The following THSD1 variants were observed in gnomAD, a reference collection of about 807,000 sequenced individuals.
THSD1 encodes thrombospondin type 1 domain containing 1.
A neutral mutation model predicts 46.3 loss-of-function variants in THSD1; 34 were observed. The ratio of observed to expected loss-of-function variants is 0.74; its 90% CI spans 0.56 to 0.98. The LOEUF (loss-of-function observed/expected upper bound fraction) is 0.98. Among genes scored for constraint, THSD1 ranks in the 50% least tolerant of loss-of-function variants. The probability of loss-of-function intolerance (pLI) is 0.00; values close to 1 mark genes in which losing one functional copy is unlikely to be tolerated. For synonymous variants in THSD1, 407 were observed against 416.5 expected, an observed-to-expected ratio of 0.98 and a Z score of 0.28; for missense variants, 1,023 against 1,058.3, an observed-to-expected ratio of 0.97 and a Z score of 0.46.
At position 52,378,949 on chromosome 13, in the gene THSD1, G is replaced by A. The variant is rs1247882292; in HGVS notation, c.1181-160C>T. Among the ~76,000 whole-genome samples, 44 of 139,710 alleles carry A rather than the reference G, an allele frequency of 3.1e-4. 1 individual carries two copies. The highest frequency in any genetic ancestry group is 2.5e-3 in the Admixed American group (32 of 13,050). 91.7% of individuals were successfully genotyped at this position (139,710 alleles called of 152,430 possible). On this transcript the variant is annotated intron_variant, in intron 4 of 4. Coordinates refer to ENST00000258613, the MANE Select transcript of THSD1 (RefSeq NM_018676.4). ...GTGATCTCGGCTCATTGCAACCTCC[G>A]CCTCCCAGGCTCAAACAATTCTCCT...
chr13:52,385,514 A>T (rs939761280), intron 4 of THSD1, among the ~76,000 whole-genome samples: 1 of 152,184 alleles, frequency 6.6e-6, no homozygotes, highest in African/African-American at 2.4e-5. Context: ...GCATGAAGAA[A>T]TGTCCCTCTG....
intron 4 of THSD1, 76 bp downstream of exon 4, chr13:52,385,952 C>G: frequency 7.1e-7 from 1 of 1,405,386 alleles, no homozygotes; most frequent in South Asian, 1.3e-5. Context: ...TGGTAACTCT[C>G]AGGCAGGCCT....
Position 52,389,255 on chromosome 13 carries a change from G to A in THSD1, c.1022-3069C>T, listed in dbSNP as rs147197240. Reference sequence around the variant, plus strand: ...TGGGATTACAGGTGTGAGCCATGGCGCCCAGCCCACTAAATACATTTTTAA... The same window carrying A: ...TGGGATTACAGGTGTGAGCCATGGCACCCAGCCCACTAAATACATTTTTAA... On this transcript the variant is annotated intron_variant, in intron 3 of 4. Coordinates refer to ENST00000258613, the MANE Select transcript of THSD1 (RefSeq NM_018676.4). Among the ~76,000 whole-genome samples, 589 of 152,128 alleles carry A rather than the reference G, an allele frequency of 3.9e-3. 1 individual carries two copies. The highest frequency in any genetic ancestry group is 5.7e-3 in the Non-Finnish European group (390 of 68,010).
In THSD1 at chr13:52,378,097, T is replaced by A. The variant is rs1168711114; in HGVS notation, c.1873A>T (p.Ile625Phe). Reference protein sequence around the residue: ...SCAISPSQTLIRKSQARHVGS... With the variant: ...SCAISPSQTLFRKSQARHVGS... ...ACGTGCCTTGCCTGTGACTTGCGGA[T>A]CAGAGTCTGGCTGGGGCTTATGGCA... Residue 625 changes from isoleucine (I) to phenylalanine (F), a missense_variant, in exon 5 of 5, where the codon ATC becomes TTC. By Grantham distance (21) the Ile-to-Phe change is conservative (BLOSUM62 0). Coordinates refer to ENST00000258613, the MANE Select transcript of THSD1 (RefSeq NM_018676.4). 5 of 1,614,160 alleles carry A rather than the reference T, an allele frequency of 3.1e-6. No homozygotes were observed. The highest frequency in any genetic ancestry group is 4.2e-6 in the Non-Finnish European group (5 of 1,180,036).
Position 52,377,999 on chromosome 13 carries a change from A to T in THSD1, c.1971T>A (p.His657Gln). ...NAHFRRTASF[H>Q]EARQARPFRE... ...GGAACGGCCGGGCCTGCCTGGCTTC[A>T]TGGAAACTCGCTGTCCTCCTGAAAT... Residue 657 changes from histidine to glutamine, a missense_variant, in exon 5 of 5, where the codon CAT (histidine) becomes CAA (glutamine). By Grantham distance (24) the His-to-Gln change is conservative. This residue lies in a region of THSD1 where 578 missense variants were observed against 497.4 expected (regional missense o/e 1.16). Coordinates refer to ENST00000258613, the MANE Select transcript of THSD1 (RefSeq NM_018676.4). 1 of 1,614,098 alleles carries T rather than the reference A, an allele frequency of 6.2e-7. No homozygotes were observed.
At position 52,378,751 on chromosome 13, in the gene THSD1, C is replaced by T. The variant is rs1594095311; in HGVS notation, c.1219G>A (p.Gly407Ser). ...ACGATGTTGTTGGACTTCACTGGACCCTGGGGCTGAAGAGGAGATGGGCTG... is the reference window on the plus strand; with the variant it reads ...ACGATGTTGTTGGACTTCACTGGACTCTGGGGCTGAAGAGGAGATGGGCTG... ...PSSPSPLQPQ[G>S]PVKSNNIVTV... The change falls in exon 5 of 5, where the codon GGT becomes AGT. Residue 407 changes from glycine to serine, a missense_variant. Gly to Ser is a moderately conservative substitution (Grantham distance 56, BLOSUM62 0). Transcript: ENST00000258613. The T allele has an allele frequency of 6.2e-7, 1 of 1,610,948 alleles. No homozygotes were observed. The highest frequency in any genetic ancestry group is 2.2e-5 in the East Asian group (1 of 44,848).
intron 3 of THSD1, among the ~76,000 whole-genome samples, chr13:52,392,440 A>G (rs1435764639): frequency 1.3e-5 from 2 of 152,174 alleles, no homozygotes; most frequent in Admixed American, 6.5e-5. Context: ...CAAAATGGGA[A>G]CTCATTAGAT....
Position 52,378,608 on chromosome 13 carries a change from G to C in THSD1, c.1362C>G (p.Ile454Met). ...AGTTCTTCCGGAAGCTGGGGGAGTG[G>C]ATGGAGTTGTGTCGAGCAGGTGTGC... is the stretch of plus-strand genomic sequence containing the variant. Reference protein sequence around the residue: ...KCSTPARHNSIHSPSFRKNSD... With the variant: ...KCSTPARHNSMHSPSFRKNSD... Residue 454 changes from isoleucine (I) to methionine (M), a missense_variant, in exon 5 of 5, where the codon ATC becomes ATG. This residue lies in a region of THSD1 where 578 missense variants were observed against 497.4 expected (regional missense o/e 1.16). Transcript: ENST00000258613. The C allele has an allele frequency of 1.9e-6, 3 of 1,614,136 alleles. No individual in the cohort carries two copies. Among genetic ancestry groups the C allele is most frequent in the Non-Finnish European group, 2.5e-6 (3 of 1,180,030 alleles).
intron 2 of THSD1, among the ~76,000 whole-genome samples, chr13:52,399,238 G>A (rs1008621133): frequency 3.2e-4 from 49 of 152,290 alleles, no homozygotes; most frequent in African/African-American, 1.2e-3. Context: ...AGCAGCCTAA[G>A]TGAAAAGTGC....
chr13:52,384,113 A>C (rs1251626823), intron 4 of THSD1: 1 of 331,204 alleles, frequency 3.0e-6, no homozygotes, highest in African/African-American at 2.3e-5. Flanking sequence ...TGAACCCGGG[A>C]GGCGGAGTTG....
chr13:52,401,518 C>T (rs1462012078), intron 2 of THSD1, among the ~76,000 whole-genome samples: 2 of 151,996 alleles, frequency 1.3e-5, no homozygotes, highest in African/African-American at 4.8e-5. Context: ...CCAGGATGGT[C>T]TTGGTCTCCT....
intron 3 of THSD1, among the ~76,000 whole-genome samples, chr13:52,394,341 C>T (rs543932343): frequency 2.0e-5 from 3 of 152,202 alleles, no homozygotes; most frequent in Admixed American, 1.3e-4. Flanking sequence ...GGGCCAGGCA[C>T]GGTGGCTCAT....
In THSD1 at chr13:52,378,626, A is replaced by C. The variant is rs1957662776; in HGVS notation, c.1344T>G (p.Pro448=). Residue 448 remains proline (P), a synonymous_variant, in exon 5 of 5, where the codon CCT becomes CCG. Transcript: ENST00000258613. The part of the protein sequence containing the change: ...RFGRPAKCST[P]ARHNSIHSPS... ...GGGAGTGGATGGAGTTGTGTCGAGC[A>C]GGTGTGCTGCACTTGGCTGGCCGGC... 2 of 1,613,972 alleles carry C rather than the reference A, an allele frequency of 1.2e-6. No individual in the cohort carries two copies. Among genetic ancestry groups the C allele is most frequent in the Non-Finnish European group, 1.7e-6 (2 of 1,180,020 alleles).
In THSD1 at chr13:52,397,320, C is replaced by G. The variant is rs762251260; in HGVS notation, c.933G>C (p.Gly311=). 1 of 1,613,950 alleles carries G rather than the reference C, an allele frequency of 6.2e-7. No individual in the cohort carries two copies. The highest frequency in any genetic ancestry group is 1.3e-5 in the African/African-American group (1 of 74,888). ...TIFNCTLFDM[G]KNKYCFDFGI... ...CAAAGTCAAAGCAGTACTTATTCTTCCCCATGTCAAACAAAGTACAGTTAA... is the reference window on the plus strand; with the variant it reads ...CAAAGTCAAAGCAGTACTTATTCTTGCCCATGTCAAACAAAGTACAGTTAA... Residue 311 remains glycine, a synonymous_variant, in exon 3 of 5, where the codon GGG becomes GGC. Transcript: ENST00000258613.
At chr13:52,379,504 C>T (rs139644186) in intron 4 of THSD1, among the ~76,000 whole-genome samples, 1 of 151,916 alleles carries the variant, frequency 6.6e-6, no homozygotes, top group African/African-American at 2.4e-5. Flanking sequence ...CGGAGTCTTG[C>T]TCTGTCGCCC....
chr13:52,388,450 TA>T (rs1216814801), intron 3 of THSD1, among the ~76,000 whole-genome samples: 1 of 152,176 alleles, frequency 6.6e-6, no homozygotes, highest in Non-Finnish European at 1.5e-5. Flanking sequence ...ACTGATAGCC[TA>T]AAACAAAATA....
intron 3 of THSD1, among the ~76,000 whole-genome samples, chr13:52,392,188 CT>C (rs1181488419): frequency 3.6e-5 from 2 of 54,852 alleles, no homozygotes; most frequent in South Asian, 5.9e-4. Context: ...TGAGACTCCT[CT>C]CAAAAAAAAA....
intron 3 of THSD1, among the ~76,000 whole-genome samples, chr13:52,390,259 T>C (rs1328082193): frequency 1.3e-5 from 2 of 152,196 alleles, no homozygotes; most frequent in African/African-American, 2.4e-5. Context: ...AACACTCTCT[T>C]CATCCTTTAT....
In THSD1 at chr13:52,398,042, T is replaced by A; in HGVS notation, c.211A>T (p.Thr71Ser). 6.2e-7 allele frequency: 1 copy of A among 1,614,172 alleles called. No homozygotes were observed. Among genetic ancestry groups the A allele is most frequent in the Non-Finnish European group, 8.5e-7 (1 of 1,180,032 alleles). The change falls in exon 3 of 5, where the codon ACT (threonine) becomes TCT (serine). Residue 71 changes from threonine to serine, a missense_variant. This residue lies in a region of THSD1 where 429 missense variants were observed against 518.3 expected (regional missense o/e 0.83). Coordinates refer to ENST00000258613, the MANE Select transcript of THSD1 (RefSeq NM_018676.4). ...VLLLEANTNQ[T>S]VTTKYLLTNQ... is the part of the protein sequence containing the mutation. Reference sequence around the variant, plus strand: ...GTCAGGAGGTACTTGGTAGTTACAGTCTGATTGGTGTTGGCCTCCAACAGC... The same window carrying A: ...GTCAGGAGGTACTTGGTAGTTACAGACTGATTGGTGTTGGCCTCCAACAGC...
Sources: gnomAD v4.1 joint callset for allele counts (sites outside exome capture counted in the v4.1 genomes callset) on GRCh38, gnomAD v4.1.1 for gene constraint, gnomAD v4.1.1 regional missense constraint, MANE v1.5 for transcripts, NCBI Gene and HGNC (gene_info 2026-07-23, HGNC 2026-07-21) for gene names.